PPP2R2D: variants seen among roughly 807,000 people sequenced by gnomAD.
The protein encoded by PPP2R2D is protein phosphatase 2 regulatory subunit Bdelta, also known as serine/threonine-protein phosphatase 2A 55 kDa regulatory subunit B delta isoform.
Under a neutral mutation model 31.1 loss-of-function variants are expected in PPP2R2D, and 9 were observed. The ratio of observed to expected loss-of-function variants is 0.29; its 90% CI spans 0.17 to 0.51. PPP2R2D has a LOEUF of 0.51. PPP2R2D is among the 20% of genes least tolerant of loss of function. The pLI is 0.98. For synonymous variants in PPP2R2D, 179 were observed against 172.6 expected, an observed-to-expected ratio of 1.04 and a Z score of -0.29; for missense variants, 391 against 465.6, an observed-to-expected ratio of 0.84 and a Z score of 1.48.
chr10:131,952,020 T>C (rs1026368325), intron 8 of PPP2R2D, among the ~76,000 whole-genome samples: 19 of 149,982 alleles, frequency 1.3e-4, no homozygotes, highest in African/African-American at 4.7e-4. Flanking sequence ...AGCAGTGACT[T>C]GCGGGTGTGC....
Position 131,947,557 on chromosome 10 carries a change from G to A in PPP2R2D, c.848G>A (p.Ser283Asn), listed in dbSNP as rs781860845. 2 of 1,614,172 alleles carry A rather than the reference G, an allele frequency of 1.2e-6. No homozygotes were observed. The highest frequency in any genetic ancestry group is 1.7e-6 in the Non-Finnish European group (2 of 1,180,006). The change falls in exon 8 of 9, where the codon AGT becomes AAT. Residue 283 changes from serine to asparagine, a missense_variant. Coordinates refer to ENST00000455566, the MANE Select transcript of PPP2R2D (RefSeq NM_018461.5). The surrounding 1 kb of genome is among the most constrained non-coding windows in gnomAD (Gnocchi z 4.3). ...KFFEEPEDPSSRSFFSEIISS... is the reference protein window; with the variant it reads ...KFFEEPEDPSNRSFFSEIISS... Reference sequence around the variant, plus strand: ...TTTGAAGAGCCTGAAGATCCCAGCAGTAGGTCCTTCTTCTCAGAAATAATT... The same window carrying A: ...TTTGAAGAGCCTGAAGATCCCAGCAATAGGTCCTTCTTCTCAGAAATAATT...
chr10:131,968,349 G>A, the PPP2R2D span: 3 of 566,448 alleles, frequency 5.3e-6, no homozygotes, highest in Non-Finnish European at 9.4e-6. Context: ...TGTAATTATA[G>A]ATCAACATGA....
At chr10:131,964,666 G>GTTTT (rs60096905), downstream of PPP2R2D, among the ~76,000 whole-genome samples, 7 of 133,798 alleles carry the variant, frequency 5.2e-5, no homozygotes, top group African/African-American at 1.2e-4. Context: ...AGTTTACTAT[G>GTTTT]TTTTTTTTTT....
intron 2 of PPP2R2D, among the ~76,000 whole-genome samples, chr10:131,906,025 A>G (rs2035575936): frequency 6.6e-6 from 1 of 152,248 alleles, no homozygotes; most frequent in Non-Finnish European, 1.5e-5. Context: ...TCACTTTCCA[A>G]CCAATTCTCA....
intron 2 of PPP2R2D, among the ~76,000 whole-genome samples, chr10:131,904,517 AAAAG>A (rs2035552481): frequency 6.6e-6 from 1 of 152,222 alleles, no homozygotes; most frequent in Non-Finnish European, 1.5e-5. Flanking sequence ...CTCAAAAAAA[AAAAG>A]AGAGATGGGC....
At chr10:131,951,149 T>C (rs1554898725) in intron 8 of PPP2R2D, among the ~76,000 whole-genome samples, 3 of 152,156 alleles carry the variant, frequency 2.0e-5, no homozygotes, top group African/African-American at 7.2e-5. Context: ...GGGACGTCCT[T>C]TCATGCCCAT....
chr10:131,945,536 G>T lies in PPP2R2D; in HGVS notation c.820+77G>T. On this transcript the variant is annotated intron_variant, in intron 7 of 8. Transcript: ENST00000455566. The surrounding 1 kb of genome is among the most constrained non-coding windows in gnomAD (Gnocchi z 4.8). ...GTGCAGTGACACAGTCTCGGCTCAC[G>T]GCAAGCTCCGCCTCCCGGGTTCCAG... The T allele has an allele frequency of 6.7e-7, 1 of 1,489,188 alleles. No homozygotes were observed. The highest frequency in any genetic ancestry group is 9.0e-7 in the Non-Finnish European group (1 of 1,107,866). 92.2% of individuals were successfully genotyped at this position (1,489,188 alleles called of 1,614,324 possible). A position where few individuals can be genotyped will look rare whatever the true frequency, so the allele number is the denominator to read the frequency against.
At chr10:131,970,453 G>C in the PPP2R2D span, 7 of 824,314 alleles carry the variant, frequency 8.5e-6, no homozygotes, top group South Asian at 1.1e-4. The surrounding 1 kb of genome is among the most constrained non-coding windows in gnomAD (Gnocchi z 4.1). Context: ...GCCTGTGCTG[G>C]GGCCTTTGGG....
intron 2 of PPP2R2D, among the ~76,000 whole-genome samples, chr10:131,916,129 T>G (rs781856113): frequency 1.3e-5 from 2 of 152,184 alleles, no homozygotes; most frequent in Non-Finnish European, 2.9e-5. Flanking sequence ...ATTTAAAAAG[T>G]AGATGGAACC....
intron 2 of PPP2R2D, among the ~76,000 whole-genome samples, chr10:131,910,627 G>C (rs1250716826): frequency 2.0e-5 from 3 of 152,204 alleles, no homozygotes; most frequent in Non-Finnish European, 2.9e-5. Context: ...AGTTCAGCTT[G>C]TGTGATACTG....
At chr10:131,914,752 T>C (rs565147348) in intron 2 of PPP2R2D, among the ~76,000 whole-genome samples, 1 of 152,246 alleles carries the variant, frequency 6.6e-6, no homozygotes, top group Admixed American at 6.5e-5. Context: ...TAAATGCTGC[T>C]CTGGAAAGCA....
chr10:131,958,518 G>T lies in PPP2R2D; in HGVS notation c.*2555G>T, dbSNP rs11146342. 3 of 161,044 alleles carry T rather than the reference G, an allele frequency of 1.9e-5. No individual in the cohort carries two copies. Among genetic ancestry groups the T allele is most frequent in the Non-Finnish European group, 3.7e-5 (3 of 81,336 alleles). 10.0% of individuals were successfully genotyped at this position (161,044 alleles called of 1,614,324 possible). On this transcript the variant is annotated 3_prime_UTR_variant, in exon 9 of 9. Transcript: ENST00000455566. Reference sequence around the variant, plus strand: ...TGATCCCCCGTCCCCCTGTGGAGATGAAGGTGTGTGCTGATCCCCCATCCC... The same window carrying T: ...TGATCCCCCGTCCCCCTGTGGAGATTAAGGTGTGTGCTGATCCCCCATCCC...
At position 131,947,615 on chromosome 10, in the gene PPP2R2D, T is replaced by C; in HGVS notation, c.906T>C (p.Ser302=). 1 of 1,614,260 alleles carries C rather than the reference T, an allele frequency of 6.2e-7. No homozygotes were observed. Among genetic ancestry groups the C allele is most frequent in the Non-Finnish European group, 8.5e-7 (1 of 1,180,048 alleles). The change falls in exon 8 of 9, where the codon AGT becomes AGC. Residue 302 remains serine, a synonymous_variant. Coordinates refer to ENST00000455566, the MANE Select transcript of PPP2R2D (RefSeq NM_018461.5). This position sits in a 1 kb window ranked among gnomAD's most constrained non-coding sequence, Gnocchi z 4.3. ...SSISDVKFSH[S]GRYMMTRDYL... is the part of the protein sequence containing the mutation. ...TATCCGATGTAAAATTCAGTCATAG[T>C]GGGCGGTACATGATGACCAGAGACT...
chr10:131,942,844 T>C (rs1371468699), intron 5 of PPP2R2D, among the ~76,000 whole-genome samples: 3 of 152,234 alleles, frequency 2.0e-5, no homozygotes, highest in Non-Finnish European at 4.4e-5. Flanking sequence ...TTTTTAAGCC[T>C]GAACTTGGTA....
chr10:131,917,964 C>G (rs2035851919), intron 2 of PPP2R2D, among the ~76,000 whole-genome samples: 1 of 134,214 alleles, frequency 7.5e-6, no homozygotes, highest in Non-Finnish European at 1.6e-5. Context: ...GTAGGGACCT[C>G]ACACGGGTGG....
intron 8 of PPP2R2D, among the ~76,000 whole-genome samples, chr10:131,952,243 T>TGTC (rs201331988): frequency 0.15 from 2,671 of 17,286 alleles, 388 homozygotes; most frequent in Non-Finnish European, 0.16. Context: ...AGCAGTGACT[T>TGTC]GGGGGGTCCC....
chr10:131,917,606 T>A (rs370413407), intron 2 of PPP2R2D, among the ~76,000 whole-genome samples: 1 of 83,658 alleles, frequency 1.2e-5, no homozygotes, highest in African/African-American at 5.0e-5. Context: ...GGACCTCACG[T>A]GGGTGGAATG....
At chr10:131,916,836 G>T (rs1421392635) in intron 2 of PPP2R2D, among the ~76,000 whole-genome samples, 2 of 148,086 alleles carry the variant, frequency 1.4e-5, no homozygotes, top group African/African-American at 5.0e-5. Context: ...TGGAATGACA[G>T]TGTTTGTAGG....
chr10:131,920,644 A>G (rs537865185), intron 2 of PPP2R2D, among the ~76,000 whole-genome samples: 3 of 152,286 alleles, frequency 2.0e-5, no homozygotes, highest in African/African-American at 7.2e-5. Flanking sequence ...TTAAAAAATT[A>G]TTGCTGGGCA....
Sources: allele counts gnomAD v4.1 joint callset (sites outside exome capture counted in the v4.1 genomes callset), GRCh38; gene constraint gnomAD v4.1.1; non-coding constraint Gnocchi (gnomAD v3.1); transcripts MANE v1.5; gene names NCBI Gene and HGNC (gene_info 2026-07-23, HGNC 2026-07-21).